HDAC9: variants seen among roughly 807,000 people sequenced by gnomAD.
HDAC9 encodes histone deacetylase 9.
Under a neutral mutation model 139.4 loss-of-function variants are expected in HDAC9, and 41 were observed. That is an observed-to-expected ratio of 0.29 (90% CI 0.23 to 0.38). The LOEUF is 0.38. HDAC9 is among the 10% of genes least tolerant of loss of function. The pLI is 1.00. For synonymous variants in HDAC9, 517 were observed against 476.2 expected, an observed-to-expected ratio of 1.09 and a Z score of -1.12; for missense variants, 1,147 against 1,297.0, an observed-to-expected ratio of 0.88 and a Z score of 1.78.
chr7:18,404,948 G>T (rs1787871654), intron 1 of HDAC9, among the ~76,000 whole-genome samples: 1 of 152,188 alleles, frequency 6.6e-6, no homozygotes, highest in Non-Finnish European at 1.5e-5. Context: ...CCCTGGGCAG[G>T]ACGCCATCCC....
chr7:18,283,339 C>T (rs1168094119), intron 2 of HDAC9, among the ~76,000 whole-genome samples: 2 of 152,152 alleles, frequency 1.3e-5, no homozygotes, highest in Non-Finnish European at 2.9e-5. Flanking sequence ...GGGGGAAGTC[C>T]ACCCCCATAA....
intron 1 of HDAC9, among the ~76,000 whole-genome samples, chr7:18,145,221 G>A (rs925910886): frequency 6.6e-6 from 1 of 152,210 alleles, no homozygotes; most frequent in Non-Finnish European, 1.5e-5. Context: ...GAATTAGACA[G>A]ACATAATCTT....
At chr7:18,868,989 A>G (rs1296495977) in intron 21 of HDAC9, among the ~76,000 whole-genome samples, 1 of 152,114 alleles carries the variant, frequency 6.6e-6, no homozygotes, top group African/African-American at 2.4e-5. Flanking sequence ...TGTCTTATGC[A>G]TCTCTTCATT....
chr7:18,451,077 T>C (rs1792772749), intron 1 of HDAC9, among the ~76,000 whole-genome samples: 1 of 152,122 alleles, frequency 6.6e-6, no homozygotes, highest in Non-Finnish European at 1.5e-5. Flanking sequence ...GGTAAGGTCT[T>C]TGGAAAGTGA....
intron 13 of HDAC9, among the ~76,000 whole-genome samples, chr7:18,746,833 CA>C (rs757275689): frequency 4.6e-5 from 7 of 152,210 alleles, no homozygotes; most frequent in Non-Finnish European, 7.4e-5. Context: ...AGAAAATATA[CA>C]ATTAACAAAA....
At chr7:18,368,221 A>G (rs907880175) in intron 1 of HDAC9, among the ~76,000 whole-genome samples, 1 of 151,938 alleles carries the variant, frequency 6.6e-6, no homozygotes, top group Non-Finnish European at 1.5e-5. Flanking sequence ...CTTGTTTGAA[A>G]TTTCCTATGA....
At chr7:18,660,464 C>A (rs1290933281) in intron 11 of HDAC9, among the ~76,000 whole-genome samples, 1 of 152,036 alleles carries the variant, frequency 6.6e-6, no homozygotes, top group Non-Finnish European at 1.5e-5. Context: ...TGTTACTAAG[C>A]ATTAATAATT....
chr7:18,602,246 T>C (rs1052553251), intron 6 of HDAC9, among the ~76,000 whole-genome samples: 2 of 152,108 alleles, frequency 1.3e-5, no homozygotes, highest in South Asian at 2.1e-4. Flanking sequence ...TATAGAGTTA[T>C]TCATAATATT....
chr7:18,751,058 T>C (rs1201090055), intron 14 of HDAC9, among the ~76,000 whole-genome samples: 10 of 152,208 alleles, frequency 6.6e-5, no homozygotes. Flanking sequence ...ATAAATGGAA[T>C]TTGATATGAT....
At chr7:18,297,689 G>T (rs1798244761) in intron 1 of HDAC9, among the ~76,000 whole-genome samples, 1 of 152,138 alleles carries the variant, frequency 6.6e-6, no homozygotes, top group African/African-American at 2.4e-5. Flanking sequence ...TTTTAGTCCT[G>T]ATCCAAAGGA....
chr7:18,356,358 GTTTTTTT>G (rs5882659), intron 1 of HDAC9, among the ~76,000 whole-genome samples: 20 of 55,162 alleles, frequency 3.6e-4, no homozygotes, highest in South Asian at 9.1e-4. Flanking sequence ...CAGCACATAG[GTTTTTTT>G]TTTTTTTTTT....
At chr7:18,870,429 T>C (rs114112144) in intron 21 of HDAC9, among the ~76,000 whole-genome samples, 46 of 152,322 alleles carry the variant, frequency 3.0e-4, no homozygotes, top group African/African-American at 1.1e-3. Context: ...TTTGAAGTTA[T>C]ATGTTTTTAG....
chr7:18,683,724 G>T (rs17139619), intron 12 of HDAC9, among the ~76,000 whole-genome samples: 3 of 152,072 alleles, frequency 2.0e-5, no homozygotes, highest in Non-Finnish European at 4.4e-5. Flanking sequence ...TGGAAAGATA[G>T]TGCTGGCAGA....
intron 22 of HDAC9, among the ~76,000 whole-genome samples, chr7:18,886,977 G>A (rs1800211313): frequency 6.6e-6 from 1 of 152,190 alleles, no homozygotes; most frequent in Non-Finnish European, 1.5e-5. Context: ...GAATCAGTTG[G>A]TCAAATCCTT....
At chr7:18,370,534 A>G (rs996090319) in intron 1 of HDAC9, among the ~76,000 whole-genome samples, 15 of 152,094 alleles carry the variant, frequency 9.9e-5, no homozygotes, top group African/African-American at 3.6e-4. Context: ...GCATAAAACC[A>G]TATTTCTTTG....
intron 1 of HDAC9, among the ~76,000 whole-genome samples, chr7:18,357,984 C>G (rs1454705468): frequency 6.6e-6 from 1 of 152,170 alleles, no homozygotes; most frequent in Non-Finnish European, 1.5e-5. Context: ...TCTGGTTTCT[C>G]TATGGAGATT....
At chr7:18,392,313 TCTCACACACACACACACA>T (rs1312154412) in intron 1 of HDAC9, among the ~76,000 whole-genome samples, 1 of 111,192 alleles carries the variant, frequency 9.0e-6, no homozygotes, top group African/African-American at 3.4e-5. Flanking sequence ...TCTCTCTCTC[TCTCACACACACACACACA>T]CACACACACA....
upstream of HDAC9, among the ~76,000 whole-genome samples, chr7:18,491,257 G>T (rs1796342378): frequency 6.6e-6 from 1 of 151,586 alleles, no homozygotes; most frequent in African/African-American, 2.4e-5. Flanking sequence ...GTTTATTTGA[G>T]AAAAATTAAA....
At chr7:18,507,230 G>T (rs900637190) in intron 2 of HDAC9, among the ~76,000 whole-genome samples, 13 of 149,376 alleles carry the variant, frequency 8.7e-5, no homozygotes, top group Admixed American at 4.0e-4. Flanking sequence ...TCACTCTGTC[G>T]CCCAGGCTGG....
Sources: gnomAD v4.1 joint callset for allele counts (sites outside exome capture counted in the v4.1 genomes callset) on GRCh38, gnomAD v4.1.1 for gene constraint, MANE v1.5 for transcripts, NCBI Gene and HGNC (gene_info 2026-07-23, HGNC 2026-07-21) for gene names.